Variants in EXOC6B observed in about 807,000 individuals in gnomAD.
The protein encoded by EXOC6B is exocyst complex component 6B.
Under a neutral mutation model 113.5 loss-of-function variants are expected in EXOC6B, and 54 were observed. The observed-to-expected ratio is 0.48, with a 90% CI of 0.38 to 0.60. The LOEUF (loss-of-function observed/expected upper bound fraction) is 0.60, where lower values mean the gene tolerates loss of function less well. Among genes scored for constraint, EXOC6B ranks in the 20% least tolerant of loss-of-function variants. EXOC6B has a pLI of 0.00. For missense variants in EXOC6B, 797 were observed against 977.5 expected, an observed-to-expected ratio of 0.82 and a Z score of 2.46; for synonymous variants, 357 against 339.0, an observed-to-expected ratio of 1.05 and a Z score of -0.58.
chr2:72,580,589 T>C (rs752156398), intron 6 of EXOC6B, among the ~76,000 whole-genome samples: 4 of 152,226 alleles, frequency 2.6e-5, no homozygotes, highest in East Asian at 1.9e-4. Context: ...ATGGACACCA[T>C]TGGTGCTCCA....
Position 72,515,442 on chromosome 2 carries a change from A to G in EXOC6B, c.916-316T>C, listed in dbSNP as rs529995231. 23 of 1,112,508 alleles carry G rather than the reference A, an allele frequency of 2.1e-5. No homozygotes were observed. The South Asian group carries it at 5.0e-4, about 24-fold the overall frequency. 68.9% of individuals were successfully genotyped at this position (1,112,508 alleles called of 1,614,324 possible). On this transcript the variant is annotated intron_variant, in intron 8 of 21. Coordinates refer to ENST00000272427, the MANE Select transcript of EXOC6B (RefSeq NM_015189.3). ...AGAATGCAGGGAAACCAACCTTTCC[A>G]TAAGTTATGATAACAGGTAAGAAAA...
At chr2:72,413,815 G>A (rs1020173379) in intron 18 of EXOC6B, among the ~76,000 whole-genome samples, 2 of 152,116 alleles carry the variant, frequency 1.3e-5, no homozygotes, top group African/African-American at 4.8e-5. Context: ...CAGACTGTAT[G>A]TATCACCACA....
chr2:72,441,633 A>T (rs1696207675), intron 18 of EXOC6B, among the ~76,000 whole-genome samples: 1 of 152,222 alleles, frequency 6.6e-6, no homozygotes, highest in Non-Finnish European at 1.5e-5. Context: ...TATCAACTAG[A>T]ATATCTAGAA....
intron 6 of EXOC6B, among the ~76,000 whole-genome samples, chr2:72,594,412 A>T (rs769135007): frequency 6.6e-5 from 10 of 152,216 alleles, no homozygotes; most frequent in Non-Finnish European, 1.2e-4. Context: ...ACTAGAGTCA[A>T]CCTAGCAAAC....
At chr2:72,449,497 T>G (rs1423630567) in intron 18 of EXOC6B, among the ~76,000 whole-genome samples, 4 of 147,502 alleles carry the variant, frequency 2.7e-5, no homozygotes, top group East Asian at 1.9e-4. Context: ...TTTTTTTTTT[T>G]GCATTGCAGT....
intron 6 of EXOC6B, among the ~76,000 whole-genome samples, chr2:72,671,791 G>GAAAGAAAGAA (rs1553464075): frequency 0.011 from 1,155 of 107,274 alleles, 35 homozygotes; most frequent in African/African-American, 0.035. Flanking sequence ...AAGAAAGAAA[G>GAAAGAAAGAA]AAAGAAAGAA....
chr2:72,306,142 AAG>A (rs1185035967), intron 20 of EXOC6B, among the ~76,000 whole-genome samples: 2 of 152,222 alleles, frequency 1.3e-5, no homozygotes, highest in Non-Finnish European at 2.9e-5. Flanking sequence ...ACATTAAAAA[AAG>A]AGATATTCAT....
intron 19 of EXOC6B, among the ~76,000 whole-genome samples, chr2:72,353,931 A>G (rs904408353): frequency 1.3e-5 from 2 of 151,984 alleles, no homozygotes; most frequent in African/African-American, 4.8e-5. Flanking sequence ...GCAAAAAGTA[A>G]GAAATGAAAT....
At chr2:72,613,831 A>ATGGCCCT (rs748792763) in intron 6 of EXOC6B, among the ~76,000 whole-genome samples, 9 of 152,130 alleles carry the variant, frequency 5.9e-5, no homozygotes, top group Non-Finnish European at 1.3e-4. Flanking sequence ...TCAGGAAACT[A>ATGGCCCT]TGGCCCACAA....
At chr2:72,723,703 G>C (rs1306549996) in intron 5 of EXOC6B, among the ~76,000 whole-genome samples, 1 of 148,904 alleles carries the variant, frequency 6.7e-6, no homozygotes, top group Admixed American at 6.7e-5. Flanking sequence ...TTTCCCTAGG[G>C]AGCACAAAAT....
At chr2:72,626,740 T>C (rs1204662047) in intron 6 of EXOC6B, among the ~76,000 whole-genome samples, 1 of 152,204 alleles carries the variant, frequency 6.6e-6, no homozygotes, top group Non-Finnish European at 1.5e-5. Context: ...CATTAAACAC[T>C]GCCAAGTATG....
intron 6 of EXOC6B, among the ~76,000 whole-genome samples, chr2:72,622,486 G>A (rs756720053): frequency 2.0e-5 from 3 of 152,188 alleles, no homozygotes; most frequent in Non-Finnish European, 4.4e-5. Context: ...GGTCAAGGAG[G>A]GTGGACAGCT....
At chr2:72,568,455 T>C (rs1193213062) in intron 7 of EXOC6B, among the ~76,000 whole-genome samples, 2 of 152,006 alleles carry the variant, frequency 1.3e-5, no homozygotes, top group African/African-American at 2.4e-5. Context: ...ATTACAGTAT[T>C]TGGAGTTCCA....
chr2:72,739,997 T>G lies in EXOC6B; in HGVS notation c.279+1307A>C, dbSNP rs1573719827. 2.0e-5 allele frequency among the ~76,000 whole-genome samples: 3 copies of G among 152,288 alleles called. No individual in the cohort carries two copies. In the South Asian group the frequency reaches 6.2e-4, roughly 32 times the overall value. On this transcript the variant is annotated intron_variant, in intron 2 of 21. Coordinates refer to ENST00000272427, the MANE Select transcript of EXOC6B (RefSeq NM_015189.3). ...CATAATACCCCCACCCAATGGGGAC[T>G]AGGATAGCACCATATAATCAAACAT... is the stretch of plus-strand genomic sequence containing the variant.
At chr2:72,247,460 T>A (rs1461350168) in intron 20 of EXOC6B, among the ~76,000 whole-genome samples, 1 of 152,192 alleles carries the variant, frequency 6.6e-6, no homozygotes, top group African/African-American at 2.4e-5. Flanking sequence ...ATCACACAGA[T>A]GTAGTTGTTT....
At chr2:72,666,417 TA>T (rs1047608251) in intron 6 of EXOC6B, among the ~76,000 whole-genome samples, 63 of 151,992 alleles carry the variant, frequency 4.1e-4, no homozygotes, top group African/African-American at 1.5e-3. Context: ...TCAATTAATT[TA>T]AAAAAAATTA....
intron 8 of EXOC6B, among the ~76,000 whole-genome samples, chr2:72,542,335 G>A (rs973914889): frequency 5.3e-5 from 8 of 152,142 alleles, no homozygotes; most frequent in Non-Finnish European, 1.0e-4. Context: ...GTCTTGAATA[G>A]GGACAGGCGA....
intron 20 of EXOC6B, among the ~76,000 whole-genome samples, chr2:72,251,983 T>C (rs1238619593): frequency 4.6e-5 from 7 of 152,196 alleles, no homozygotes; most frequent in African/African-American, 1.7e-4. Context: ...CCTTGTCCCA[T>C]CATTTCTGCA....
intron 8 of EXOC6B, among the ~76,000 whole-genome samples, chr2:72,517,966 T>C (rs1701299579): frequency 6.6e-6 from 1 of 152,152 alleles, no homozygotes; most frequent in African/African-American, 2.4e-5. Context: ...TGGCTTCCCA[T>C]TTACAAAAAT....
Sources: gnomAD v4.1 joint callset for allele counts (sites outside exome capture counted in the v4.1 genomes callset) on GRCh38, gnomAD v4.1.1 for gene constraint, MANE v1.5 for transcripts, NCBI Gene and HGNC (gene_info 2026-07-23, HGNC 2026-07-21) for gene names.